The following GGT1 variants were observed in gnomAD, a reference collection of about 807,000 sequenced individuals.
The protein encoded by GGT1 is gamma-glutamyltransferase 1.
A neutral mutation model predicts 56.0 loss-of-function variants in GGT1; 21 were observed. The observed-to-expected ratio is 0.38, with a 90% CI of 0.27 to 0.54. The LOEUF (loss-of-function observed/expected upper bound fraction) is 0.54. Ranked by LOEUF, GGT1 falls within the 20% of genes least tolerant of loss-of-function variation. The pLI is 0.82. For missense variants in GGT1, 466 were observed against 787.0 expected (o/e 0.59, Z 4.88); for synonymous variants, 238 against 342.6 (o/e 0.69, Z 3.37).
At chr22:24,600,615 G>A (rs2330795), upstream of GGT1, among the ~76,000 whole-genome samples, 63,160 of 152,132 alleles carry the variant, frequency 0.42, 13,649 homozygotes, top group Middle Eastern at 0.54. Flanking sequence ...CCAGGCTCTG[G>A]GGGCACAGGA....
At chr22:24,623,445 C>T (rs921389938) in intron 10 of GGT1, among the ~76,000 whole-genome samples, 189 bp downstream of exon 10, 8 of 151,790 alleles carry the variant, frequency 5.3e-5, no homozygotes, top group South Asian at 2.1e-4. Context: ...AGGGCTGAAG[C>T]GGGCAATGCT....
At chr22:24,588,703 G>C in the GGT1 span, 1 of 1,084,314 alleles carries the variant, frequency 9.2e-7, no homozygotes, top group Non-Finnish European at 1.1e-6. Flanking sequence ...GCCAGACCAG[G>C]CCCCTCGAGG....
chr22:24,611,771 ATTTGTGTGTGTGTGTGTGTG>A (rs1415155818), intron 5 of GGT1, among the ~76,000 whole-genome samples: 1 of 122,176 alleles, frequency 8.2e-6, no homozygotes, highest in African/African-American at 3.2e-5. Context: ...CGCCCAACAA[ATTTGTGTGTGTGTGTGTGTG>A]TGTGTGTGTG....
In GGT1 at chr22:24,610,978, T is replaced by G; in HGVS notation, c.-7-97T>G. 4 of 1,077,628 alleles carry G rather than the reference T, an allele frequency of 3.7e-6. No individual in the cohort carries two copies. In the African/African-American group the frequency reaches 4.7e-5, roughly 13 times the overall value. 66.8% of individuals were successfully genotyped at this position (1,077,628 alleles called of 1,614,324 possible). A position where few individuals can be genotyped will look rare whatever the true frequency, so the allele number is the denominator to read the frequency against. ...AAGCGGGAAGGAGACACAGGCCTTG[T>G]GTTTCTGAGGCCCGACTTTAGACTG... On this transcript the variant is annotated intron_variant, in intron 4 of 15. Transcript: ENST00000400382.
chr22:24,595,506 A>C (rs755339086), intron 1 of GGT1, among the ~76,000 whole-genome samples: 18 of 152,210 alleles, frequency 1.2e-4, no homozygotes, highest in Admixed American at 1.3e-4. Context: ...TTGTCCTCTC[A>C]GTTCCCGGGG....
At position 24,620,553 on chromosome 22, in the gene GGT1, C is replaced by T. The variant is rs773911533; in HGVS notation, c.575+33C>T. 1.9e-6 allele frequency: 3 copies of T among 1,611,020 alleles called. No homozygotes were observed. In the East Asian group the frequency reaches 6.7e-5, roughly 36 times the overall value. On this transcript the variant is annotated intron_variant, in intron 8 of 15. Coordinates refer to ENST00000400382, the MANE Select transcript of GGT1 (RefSeq NM_001288833.2). The surrounding 1 kb of genome is among the most constrained non-coding windows in gnomAD (Gnocchi z 5.6). ...TGTGGGTGCGGCCCCCTGACACAGG[C>T]AGGGCAGGCACAGCCCAAGGACCTT...
At chr22:24,585,455 G>T in the GGT1 span, among the ~76,000 whole-genome samples, 2 of 152,232 alleles carry the variant, frequency 1.3e-5, no homozygotes, top group Non-Finnish European at 2.9e-5. Context: ...AGCCCACAGG[G>T]ATGGACCCAG....
upstream of GGT1, among the ~76,000 whole-genome samples, chr22:24,601,770 C>T (rs1181884855): frequency 2.6e-5 from 4 of 152,214 alleles, no homozygotes; most frequent in South Asian, 2.1e-4. Flanking sequence ...GATGGTGGGG[C>T]GGCACCCGCC....
intron 1 of GGT1, among the ~76,000 whole-genome samples, chr22:24,605,435 TAAC>T (rs1345892936): frequency 3.5e-4 from 28 of 80,516 alleles, no homozygotes; most frequent in Non-Finnish European, 5.5e-4. Flanking sequence ...ATATATTATA[TAAC>T]AATATATAAT....
upstream of GGT1, among the ~76,000 whole-genome samples, chr22:24,601,059 A>G (rs1441551028): frequency 1.3e-5 from 2 of 152,184 alleles, no homozygotes; most frequent in Non-Finnish European, 2.9e-5. Flanking sequence ...AGTCAGTTCT[A>G]TTTAGCCAGT....
chr22:24,598,329 T>C (rs6004193), upstream of GGT1: 75,752 of 151,260 alleles, frequency 0.5, 21,777 homozygotes, highest in African/African-American at 0.8. Flanking sequence ...CCCAGCTACT[T>C]GGGAGGCTGA....
chr22:24,592,863 C>T (rs1416831225), upstream of GGT1: 9 of 1,282,594 alleles, frequency 7.0e-6, no homozygotes, highest in Non-Finnish European at 6.9e-6. Flanking sequence ...CTTCTCTCGC[C>T]TGGCGCAGGA....
At chr22:24,605,102 TTATATTA>T (rs1482966660) in intron 1 of GGT1, among the ~76,000 whole-genome samples, 1 of 5,120 alleles carries the variant, frequency 2.0e-4, no homozygotes. Flanking sequence ...ATAATATGTA[TTATATTA>T]TATATTATAT....
At chr22:24,586,174 C>T in the GGT1 span, 6 of 1,613,684 alleles carry the variant, frequency 3.7e-6, no homozygotes, top group Admixed American at 1.0e-4. Flanking sequence ...TGGCCCGCGT[C>T]AGTCGGTTGC....
intron 11 of GGT1, among the ~76,000 whole-genome samples, chr22:24,624,909 C>T (rs1422580629): frequency 2.0e-5 from 3 of 151,878 alleles, no homozygotes; most frequent in Admixed American, 6.6e-5. Context: ...TGTCCAGCCT[C>T]AGTTTCCCCA....
At chr22:24,602,527 C>T (rs1234519046), upstream of GGT1, among the ~76,000 whole-genome samples, 2 of 152,186 alleles carry the variant, frequency 1.3e-5, no homozygotes, top group African/African-American at 4.8e-5. Flanking sequence ...GGGCACCCAC[C>T]CCATCTCATT....
intron 5 of GGT1, among the ~76,000 whole-genome samples, chr22:24,611,773 TTGTG>T (rs57600451): frequency 0.031 from 4,013 of 130,910 alleles, 77 homozygotes; most frequent in African/African-American, 0.056. Context: ...CCCAACAAAT[TTGTG>T]TGTGTGTGTG....
At chr22:24,625,170 G>A (rs928809829) in intron 11 of GGT1, among the ~76,000 whole-genome samples, 1 of 152,122 alleles carries the variant, frequency 6.6e-6, no homozygotes, top group South Asian at 2.1e-4. Context: ...CGCACCTCAG[G>A]GTGTGTCTCA....
At chr22:24,605,805 G>T (rs2046200124) in intron 1 of GGT1, among the ~76,000 whole-genome samples, 2 of 61,558 alleles carry the variant, frequency 3.2e-5, no homozygotes, top group African/African-American at 1.1e-4. Context: ...TATATGATGT[G>T]TATTATATAT....
Sources: allele counts gnomAD v4.1 joint callset (sites outside exome capture counted in the v4.1 genomes callset), GRCh38; gene constraint gnomAD v4.1.1; non-coding constraint Gnocchi (gnomAD v3.1); transcripts MANE v1.5; gene names NCBI Gene and HGNC (gene_info 2026-07-23, HGNC 2026-07-21).